Variants in PDE4D observed in about 807,000 individuals in gnomAD.
The protein encoded by PDE4D is phosphodiesterase 4D, also known as 3',5'-cyclic-AMP phosphodiesterase 4D.
A neutral mutation model predicts 87.4 loss-of-function variants in PDE4D; 24 were observed. That is an observed-to-expected ratio of 0.27 (90% CI 0.20 to 0.39). The LOEUF is 0.39. PDE4D is among the 10% of genes least tolerant of loss of function. PDE4D has a pLI of 1.00. For synonymous variants in PDE4D, 384 were observed against 383.2 expected (o/e 1.00, Z -0.02); for missense variants, 714 against 1,041.0 (o/e 0.69, Z 4.32).
chr5:59,614,851 T>C (rs1274364166), intron 1 of PDE4D, among the ~76,000 whole-genome samples: 3 of 150,758 alleles, frequency 2.0e-5, no homozygotes, highest in Non-Finnish European at 4.4e-5. Context: ...TTTTTTTTGG[T>C]GGTAGGGTCT....
intron 1 of PDE4D, among the ~76,000 whole-genome samples, chr5:59,350,503 A>C (rs947371817): frequency 2.6e-5 from 4 of 152,166 alleles, no homozygotes; most frequent in African/African-American, 9.7e-5. Context: ...TCTTCCCATG[A>C]ATGTGGCAAA....
chr5:59,699,920 T>C (rs1039284913), intron 1 of PDE4D, among the ~76,000 whole-genome samples: 2 of 152,154 alleles, frequency 1.3e-5, no homozygotes, highest in Non-Finnish European at 2.9e-5. Flanking sequence ...CCTAAGAGAA[T>C]CTTAATAGCT....
At chr5:59,921,262 A>G (rs112269522) in intron 3 of PDE4D, among the ~76,000 whole-genome samples, 708 of 152,280 alleles carry the variant, frequency 4.6e-3, no homozygotes, top group African/African-American at 0.016. Flanking sequence ...TAATTTAGGC[A>G]AAAAATTAAT....
chr5:59,988,552 G>A lies in PDE4D; in HGVS notation c.208C>T (p.Arg70Ter), dbSNP rs1468592543. 5 of 1,599,248 alleles carry A rather than the reference G, an allele frequency of 3.1e-6. No individual in the cohort carries two copies. The highest frequency in any genetic ancestry group is 1.7e-5 in the Admixed American group (1 of 59,998). The change falls in exon 3 of 17, where the codon CGA (arginine) becomes TGA (stop). Residue 70 changes from arginine to a stop codon, truncating the protein, a stop_gained. Coordinates refer to the PDE4D transcript ENST00000502484. LOFTEE classifies it high-confidence loss of function. ...ATCTTCAGGGGGAGGCTGGTTGGTC[G>A]TTGAATGTTCTCTGATTCACTTTTC...
chr5:59,486,936 CTTAACT>C (rs1392619924), intron 1 of PDE4D, among the ~76,000 whole-genome samples: 2 of 152,166 alleles, frequency 1.3e-5, no homozygotes, highest in Non-Finnish European at 2.9e-5. Flanking sequence ...GCATCAAGAA[CTTAACT>C]TTAAGAATAC....
intron 2 of PDE4D, among the ~76,000 whole-genome samples, chr5:60,039,179 A>G (rs1462330609): frequency 1.3e-5 from 2 of 152,148 alleles, no homozygotes; most frequent in Non-Finnish European, 2.9e-5. Context: ...AAAGACTTGG[A>G]ACCAACCCAA....
chr5:59,971,383 A>AAATAAATAAAT (rs1561927624), intron 3 of PDE4D, among the ~76,000 whole-genome samples: 4 of 62,292 alleles, frequency 6.4e-5, no homozygotes, highest in Non-Finnish European at 1.8e-4. Flanking sequence ...AATAAATAAA[A>AAATAAATAAAT]AAGAGAGAGA....
Position 59,260,049 on chromosome 5 carries a change from T to C in PDE4D, c.456-44081A>G, listed in dbSNP as rs1015831441. 2.0e-5 allele frequency among the ~76,000 whole-genome samples: 3 copies of C among 151,922 alleles called. No homozygotes were observed. In the South Asian group the frequency reaches 6.2e-4, roughly 32 times the overall value. On this transcript the variant is annotated intron_variant, in intron 1 of 14. Coordinates refer to ENST00000340635, the MANE Select transcript of PDE4D (RefSeq NM_001104631.2). ...ATACACAAGGGACTCCCCTTTCTAT[T>C]ATCTGACTACCTGAATCTACCCTGT... is the stretch of plus-strand genomic sequence containing the variant.
At chr5:59,879,926 A>G (rs1408627172) in intron 1 of PDE4D, among the ~76,000 whole-genome samples, 1 of 152,016 alleles carries the variant, frequency 6.6e-6, no homozygotes, top group Non-Finnish European at 1.5e-5. Context: ...TTTTTAGTAG[A>G]GACAGGGTTT....
intron 2 of PDE4D, among the ~76,000 whole-genome samples, chr5:60,011,961 T>C (rs1225509801): frequency 1.3e-5 from 2 of 152,172 alleles, no homozygotes; most frequent in Non-Finnish European, 2.9e-5. Context: ...GTAGATGCTA[T>C]AGATCTTCAG....
chr5:60,362,798 G>A (rs1760178475), intron 1 of PDE4D, among the ~76,000 whole-genome samples: 1 of 151,520 alleles, frequency 6.6e-6, no homozygotes, highest in Non-Finnish European at 1.5e-5. Context: ...AGTGAAAGTT[G>A]CAGTGAGCTG....
intron 1 of PDE4D, among the ~76,000 whole-genome samples, chr5:59,225,816 A>G (rs1753658422): frequency 6.6e-6 from 1 of 151,722 alleles, no homozygotes. Context: ...CCAAAACCCA[A>G]TTGAAACCCC....
chr5:59,609,519 G>A (rs1007444392), intron 1 of PDE4D, among the ~76,000 whole-genome samples: 1 of 152,112 alleles, frequency 6.6e-6, no homozygotes, highest in Admixed American at 6.6e-5. Context: ...TGAGGTCTGT[G>A]TATGAAGTGC....
chr5:58,976,576 C>G, intron 12 of PDE4D, 104 bp from the exon 13 acceptor site: 1 of 886,358 alleles, frequency 1.1e-6, no homozygotes, highest in Non-Finnish European at 1.7e-6. Flanking sequence ...AACACTATGC[C>G]TTTTAATGAC....
chr5:59,620,719 A>G lies in PDE4D; in HGVS notation c.455+272449T>C, dbSNP rs76184879. Among the ~76,000 whole-genome samples the G allele has an allele frequency of 6.6e-3, 1,011 of 152,302 alleles. 9 individuals are homozygous for G. Among genetic ancestry groups the G allele is most frequent in the African/African-American group, 0.021 (869 of 41,572 alleles). ...TAGAACCAAAGCATGAATACTTTTA[A>G]AAGTACAAAGATTGAGAACCACAGA... On this transcript the variant is annotated intron_variant, in intron 1 of 14. Transcript: ENST00000340635.
At chr5:59,081,884 TG>T (rs565321427) in intron 5 of PDE4D, among the ~76,000 whole-genome samples, 14 of 152,150 alleles carry the variant, frequency 9.2e-5, no homozygotes, top group Non-Finnish European at 1.8e-4. Flanking sequence ...CGGGAGGGAC[TG>T]GGTGAAGATA....
intron 1 of PDE4D, among the ~76,000 whole-genome samples, chr5:60,455,624 T>C (rs532101436): frequency 6.6e-6 from 1 of 152,300 alleles, no homozygotes; most frequent in Admixed American, 6.5e-5. Flanking sequence ...TACAGTCCAG[T>C]ATTCAAGGAG....
chr5:60,228,102 C>T (rs1745344459), intron 1 of PDE4D, among the ~76,000 whole-genome samples: 1 of 152,080 alleles, frequency 6.6e-6, no homozygotes. Flanking sequence ...AAACACACAT[C>T]TCTTTCTCAG....
chr5:59,540,161 G>A (rs767652565), intron 1 of PDE4D, among the ~76,000 whole-genome samples: 17 of 152,122 alleles, frequency 1.1e-4, no homozygotes, highest in Admixed American at 1.0e-3. Context: ...TGACTTATAC[G>A]TGTAACTAAC....
Sources: gnomAD v4.1 joint callset for allele counts (sites outside exome capture counted in the v4.1 genomes callset) on GRCh38, gnomAD v4.1.1 for gene constraint, MANE v1.5 for transcripts, NCBI Gene and HGNC (gene_info 2026-07-23, HGNC 2026-07-21) for gene names.